GRM8: variants seen among roughly 807,000 people sequenced by gnomAD.
GRM8 encodes glutamate metabotropic receptor 8, also known as metabotropic glutamate receptor 8.
In GRM8, 47 loss-of-function variants were observed where a neutral mutation model predicts 87.2. The ratio of observed to expected loss-of-function variants is 0.54; its 90% CI spans 0.43 to 0.69. The LOEUF (loss-of-function observed/expected upper bound fraction) is 0.69, where lower values mean the gene tolerates loss of function less well. GRM8 is among the 30% of genes least tolerant of loss of function. The pLI is 0.00. For synonymous variants in GRM8, 396 were observed against 404.5 expected (o/e 0.98, Z 0.25); for missense variants, 1,019 against 1,139.2 (o/e 0.89, Z 1.52).
chr7:126,498,777 ATAATGTAGC>A (rs1809175457), intron 9 of GRM8, among the ~76,000 whole-genome samples: 1 of 152,012 alleles, frequency 6.6e-6, no homozygotes, highest in African/African-American at 2.4e-5. Flanking sequence ...TCTAATGGAC[ATAATGTAGC>A]TAATGTGTCA....
intron 9 of GRM8, among the ~76,000 whole-genome samples, chr7:126,483,379 T>C (rs1806946089): frequency 6.6e-6 from 1 of 151,368 alleles, no homozygotes; most frequent in South Asian, 2.1e-4. Context: ...CACTACAATG[T>C]TTATCACAGG....
At chr7:127,162,146 T>A (rs1224828630) in intron 2 of GRM8, among the ~76,000 whole-genome samples, 2 of 152,188 alleles carry the variant, frequency 1.3e-5, no homozygotes, top group African/African-American at 4.8e-5. Context: ...AATTCTGTGC[T>A]TCCAGGTCTG....
At chr7:126,873,222 C>G (rs1246990393) in intron 6 of GRM8, among the ~76,000 whole-genome samples, 2 of 152,126 alleles carry the variant, frequency 1.3e-5, no homozygotes, top group Non-Finnish European at 2.9e-5. Flanking sequence ...ATGAAATTGA[C>G]AGGTCAATTC....
intron 7 of GRM8, among the ~76,000 whole-genome samples, chr7:126,731,980 A>T (rs1813646876): frequency 6.6e-6 from 1 of 152,064 alleles, no homozygotes; most frequent in African/African-American, 2.4e-5. Context: ...AGGGTATAAC[A>T]TCATTTGATA....
At chr7:126,747,041 A>G (rs1227969926) in intron 7 of GRM8, among the ~76,000 whole-genome samples, 3 of 151,780 alleles carry the variant, frequency 2.0e-5, no homozygotes, top group Non-Finnish European at 4.4e-5. Context: ...TATTTTTTTC[A>G]TGTTTAGGGC....
chr7:127,172,590 C>A (rs981931793), intron 2 of GRM8, among the ~76,000 whole-genome samples: 7 of 151,854 alleles, frequency 4.6e-5, no homozygotes, highest in Admixed American at 3.9e-4. Flanking sequence ...TGGCTGTAGT[C>A]CCAGCTACTC....
intron 3 of GRM8, among the ~76,000 whole-genome samples, chr7:127,079,110 G>C (rs573397173): frequency 6.6e-6 from 1 of 151,768 alleles, no homozygotes; most frequent in East Asian, 1.9e-4. Context: ...TGTGGGCTTT[G>C]TGTTTCTTTT....
At position 127,204,101 on chromosome 7, in the gene GRM8, C is replaced by T. The variant is rs549266999; in HGVS notation, c.510+38594G>A. Among the ~76,000 whole-genome samples, 22 of 149,772 alleles carry T rather than the reference C, an allele frequency of 1.5e-4. No individual in the cohort carries two copies. The East Asian group carries it at 2.9e-3, about 20-fold the overall frequency. On this transcript the variant is annotated intron_variant, in intron 2 of 10. Coordinates refer to ENST00000339582, the MANE Select transcript of GRM8 (RefSeq NM_000845.3). Reference sequence around the variant, plus strand: ...TGGCATAAAAATAGCAGGACTCAAGCCATGCAGTTAATGTACACAACATTC... The same window carrying T: ...TGGCATAAAAATAGCAGGACTCAAGTCATGCAGTTAATGTACACAACATTC...
intron 8 of GRM8, among the ~76,000 whole-genome samples, chr7:126,542,646 C>T (rs10240132): frequency 0.021 from 3,267 of 152,276 alleles, 104 homozygotes; most frequent in African/African-American, 0.073. Flanking sequence ...TGTATCAATA[C>T]AAGACAGTCA....
intron 7 of GRM8, among the ~76,000 whole-genome samples, chr7:126,746,003 C>G (rs1815627794): frequency 2.0e-5 from 3 of 150,702 alleles, no homozygotes; most frequent in Admixed American, 1.3e-4. Flanking sequence ...ATTTATTTGC[C>G]CTAAAGAAAG....
In GRM8 at chr7:126,792,365, C is replaced by T. The variant is rs1821442286; in HGVS notation, c.1157-22300G>A. On this transcript the variant is annotated intron_variant, in intron 6 of 10. Coordinates refer to ENST00000339582, the MANE Select transcript of GRM8 (RefSeq NM_000845.3). ...CTCTGTACTAGCAACAGCAGCATCA[C>T]CTTGTCAGGAAACTTATTAGAAAAG... is the stretch of plus-strand genomic sequence containing the variant. Among the ~76,000 whole-genome samples, 3 of 152,186 alleles carry T rather than the reference C, an allele frequency of 2.0e-5. No individual in the cohort carries two copies. The South Asian group carries it at 6.2e-4, about 31-fold the overall frequency.
intron 10 of GRM8, among the ~76,000 whole-genome samples, chr7:126,439,718 A>C (rs1158273867): frequency 6.6e-6 from 1 of 152,010 alleles, no homozygotes; most frequent in Non-Finnish European, 1.5e-5. Flanking sequence ...TGCTATTACA[A>C]GAGATGACAG....
At chr7:127,051,738 GCAAAAA>G (rs1273855704) in intron 3 of GRM8, among the ~76,000 whole-genome samples, 1 of 13,050 alleles carries the variant, frequency 7.7e-5, no homozygotes, top group African/African-American at 1.9e-4. Flanking sequence ...ATAATGTTGA[GCAAAAA>G]AAAAAAAAAA....
intron 8 of GRM8, among the ~76,000 whole-genome samples, chr7:126,590,785 TAAAGG>T (rs1796598668): frequency 6.6e-6 from 1 of 152,028 alleles, no homozygotes; most frequent in African/African-American, 2.4e-5. Context: ...GCTTAATAAA[TAAAGG>T]AAAGATACAA....
intron 6 of GRM8, among the ~76,000 whole-genome samples, chr7:126,781,931 G>C (rs552964565): frequency 4.6e-5 from 7 of 152,128 alleles, no homozygotes; most frequent in African/African-American, 1.7e-4. Context: ...TCCCAGGCTG[G>C]TTTTAAACTC....
intron 3 of GRM8, among the ~76,000 whole-genome samples, chr7:127,003,911 T>C (rs575511286): frequency 5.9e-5 from 9 of 151,822 alleles, no homozygotes; most frequent in Non-Finnish European, 7.4e-5. Context: ...CAAAACAATA[T>C]GTAGGTGTAT....
chr7:126,795,374 T>C (rs1395119121), intron 6 of GRM8, among the ~76,000 whole-genome samples: 1 of 152,266 alleles, frequency 6.6e-6, no homozygotes, highest in Non-Finnish European at 1.5e-5. Flanking sequence ...TGTTGACTGA[T>C]TTTTAGGTAA....
At chr7:127,120,348 T>G (rs1221021434) in intron 2 of GRM8, among the ~76,000 whole-genome samples, 2 of 152,214 alleles carry the variant, frequency 1.3e-5, no homozygotes. Context: ...ATAAAAGATA[T>G]GTTCATGTTG....
intron 3 of GRM8, among the ~76,000 whole-genome samples, chr7:127,015,454 A>G (rs1342215261): frequency 6.6e-6 from 1 of 152,104 alleles, no homozygotes; most frequent in Non-Finnish European, 1.5e-5. Context: ...GTAGGAAGAG[A>G]AAAAGGTAAG....
Sources: allele counts gnomAD v4.1 joint callset (sites outside exome capture counted in the v4.1 genomes callset), GRCh38; gene constraint gnomAD v4.1.1; transcripts MANE v1.5; gene names NCBI Gene and HGNC (gene_info 2026-07-23, HGNC 2026-07-21).